The following TIGD4 variants were observed in gnomAD, a reference collection of about 807,000 sequenced individuals.
TIGD4 encodes tigger transposable element derived 4, also known as tigger transposable element-derived protein 4.
Under a neutral mutation model 24.9 loss-of-function variants are expected in TIGD4, and 20 were observed. The observed-to-expected ratio is 0.80, with a 90% CI of 0.56 to 1.17. The LOEUF (loss-of-function observed/expected upper bound fraction) is 1.17, where lower values mean the gene tolerates loss of function less well. Ranked by LOEUF, TIGD4 falls within the 50% of genes most tolerant of loss-of-function variation. The probability of loss-of-function intolerance (pLI) is 0.00; values close to 1 mark genes in which losing one functional copy is unlikely to be tolerated. For missense variants in TIGD4, 566 were observed against 591.0 expected (o/e 0.96, Z 0.44); for synonymous variants, 193 against 211.0 (o/e 0.91, Z 0.74).
At position 152,769,882 on chromosome 4, in the gene TIGD4, A is replaced by C. The variant is rs934170382; in HGVS notation, c.1123T>G (p.Tyr375Asp). ...TGAGATTTGAATCCTGCCTCTTCAT[A>C]GCTTTTAACAATAGTCTCTGGGGTT... ...AVTPETIVKS[Y>D]EEAGFKSQKG... Residue 375 changes from tyrosine (Y) to aspartate (D), a missense_variant, in exon 2 of 2, where the codon TAT becomes GAT. Coordinates refer to ENST00000304337, the MANE Select transcript of TIGD4 (RefSeq NM_145720.4). 1 of 1,613,538 alleles carries C rather than the reference A, an allele frequency of 6.2e-7. No homozygotes were observed. The highest frequency in any genetic ancestry group is 8.5e-7 in the Non-Finnish European group (1 of 1,179,594).
intron 1 of TIGD4, among the ~76,000 whole-genome samples, chr4:152,774,750 G>A (rs1730234953): frequency 6.6e-6 from 1 of 152,076 alleles, no homozygotes; most frequent in African/African-American, 2.4e-5. Context: ...AAACATTTTT[G>A]TTTTTGCCTA....
intron 1 of TIGD4, among the ~76,000 whole-genome samples, chr4:152,774,198 G>A (rs1730226143): frequency 6.6e-6 from 1 of 152,076 alleles, no homozygotes; most frequent in South Asian, 2.1e-4. Context: ...CCTGGTTAAA[G>A]TGACATAATA....
At position 152,769,426 on chromosome 4, in the gene TIGD4, A is replaced by G; in HGVS notation, c.*40T>C. Reference sequence around the variant, plus strand: ...TTACATACCTTATATAATAAAATGTATCAGGAAAAGCTATTACTCTTTAGA... The same window carrying G: ...TTACATACCTTATATAATAAAATGTGTCAGGAAAAGCTATTACTCTTTAGA... On this transcript the variant is annotated 3_prime_UTR_variant, in exon 2 of 2. Transcript: ENST00000304337. The G allele has an allele frequency of 1.5e-6, 2 of 1,344,328 alleles. No homozygotes were observed. Among genetic ancestry groups the G allele is most frequent in the Non-Finnish European group, 2.0e-6 (2 of 996,368 alleles). 83.3% of individuals were successfully genotyped at this position (1,344,328 alleles called of 1,614,324 possible). A position where few individuals can be genotyped will look rare whatever the true frequency, so the allele number is the denominator to read the frequency against.
intron 1 of TIGD4, among the ~76,000 whole-genome samples, chr4:152,776,330 A>C (rs1221865551): frequency 6.6e-6 from 1 of 152,192 alleles, no homozygotes; most frequent in Non-Finnish European, 1.5e-5. Flanking sequence ...AAATAAGTTC[A>C]GTTTTTTCCT....
intron 1 of TIGD4, among the ~76,000 whole-genome samples, chr4:152,774,636 A>C (rs986239090): frequency 1.3e-5 from 2 of 152,262 alleles, no homozygotes; most frequent in African/African-American, 4.8e-5. Context: ...TCAGAAAATA[A>C]GAATATGCAA....
chr4:152,769,450 G>A lies in TIGD4; in HGVS notation c.*16C>T, dbSNP rs755655075. 21 of 1,451,638 alleles carry A rather than the reference G, an allele frequency of 1.4e-5. No homozygotes were observed. The highest frequency in any genetic ancestry group is 1.9e-5 in the Non-Finnish European group (20 of 1,080,484). 89.9% of individuals were successfully genotyped at this position (1,451,638 alleles called of 1,614,324 possible). ...TATCAGGAAAAGCTATTACTCTTTA[G>A]ATGTACAATACATAGTTACTTAGGT... is the stretch of plus-strand genomic sequence containing the variant. On this transcript the variant is annotated 3_prime_UTR_variant, in exon 2 of 2. Transcript: ENST00000304337.
intron 1 of TIGD4, among the ~76,000 whole-genome samples, chr4:152,779,259 G>GT (rs1730337132): frequency 6.6e-6 from 1 of 152,214 alleles, no homozygotes. Flanking sequence ...GGAAAGAAAA[G>GT]TATCAAGGAA....
In TIGD4 at chr4:152,769,938, A is replaced by G. The variant is rs576839885; in HGVS notation, c.1067T>C (p.Val356Ala). Residue 356 changes from valine to alanine, a missense_variant, in exon 2 of 2, where the codon GTT (valine) becomes GCT (alanine). Transcript: ENST00000304337. ...KEFTFSLLDA[V>A]DTLHLCWRAV... ...CCTCCAGCAAAGATGCAATGTATCA[A>G]CTGCATCTAGTAGTGAAAATGTAAA... The G allele has an allele frequency of 2.5e-6, 4 of 1,613,652 alleles. No homozygotes were observed. The highest frequency in any genetic ancestry group is 2.2e-5 in the East Asian group (1 of 44,876).
At position 152,772,919 on chromosome 4, in the gene TIGD4, C is replaced by T. The variant is rs1730201108; in HGVS notation, c.-538-1377G>A. 2.0e-5 allele frequency among the ~76,000 whole-genome samples: 3 copies of T among 152,252 alleles called. No homozygotes were observed. In the South Asian group the frequency reaches 6.2e-4, roughly 32 times the overall value. The stretch of plus-strand genomic sequence containing the variant: ...TAGAGACGGGATTTCAACATGTTGG[C>T]CAGGATGGTCTCAATCTCTTGACCT... On this transcript the variant is annotated intron_variant, in intron 1 of 1. Transcript: ENST00000304337.
In TIGD4 at chr4:152,769,383, T is replaced by C; in HGVS notation, c.*83A>G. The C allele has an allele frequency of 2.1e-6, 2 of 944,434 alleles. No homozygotes were observed. Among genetic ancestry groups the C allele is most frequent in the Non-Finnish European group, 2.9e-6 (2 of 687,376 alleles). The allele number at this position is 944,434 out of a possible 1,614,324, so 58.5% of individuals were successfully genotyped here. On this transcript the variant is annotated 3_prime_UTR_variant, in exon 2 of 2. Coordinates refer to ENST00000304337, the MANE Select transcript of TIGD4 (RefSeq NM_145720.4). Reference sequence around the variant, plus strand: ...CAGTTTTCCATTTTTTATGTTTAAGTGGTGTGGTACAACTCCTTTACATAC... The same window carrying C: ...CAGTTTTCCATTTTTTATGTTTAAGCGGTGTGGTACAACTCCTTTACATAC...
chr4:152,769,836 G>A lies in TIGD4; in HGVS notation c.1169C>T (p.Thr390Ile), dbSNP rs781010222. 1.9e-6 allele frequency: 3 copies of A among 1,612,904 alleles called. No individual in the cohort carries two copies. The African/African-American group carries it at 4.0e-5, about 22-fold the overall frequency. ...FKSQKGESDITNAEKDTGLDL... is the reference protein window; with the variant it reads ...FKSQKGESDIINAEKDTGLDL... ...CAGACCAGTATCCTTCTCTGCATTT[G>A]TTATGTCACTTTCTCCCTTTTGAGA... The change falls in exon 2 of 2, where the codon ACA (threonine) becomes ATA (isoleucine). Residue 390 changes from threonine (T) to isoleucine (I), a missense_variant. Transcript: ENST00000304337.
intron 1 of TIGD4, among the ~76,000 whole-genome samples, chr4:152,774,874 T>C (rs892968623): frequency 6.6e-6 from 1 of 152,108 alleles, no homozygotes; most frequent in African/African-American, 2.4e-5. Context: ...ATACAAACCT[T>C]AAAACTGTGT....
intron 1 of TIGD4, among the ~76,000 whole-genome samples, chr4:152,775,105 C>T (rs369516800): frequency 4.9e-4 from 75 of 152,086 alleles, no homozygotes; most frequent in African/African-American, 1.6e-3. Context: ...TTAGTAGAGA[C>T]GGGGATTCAC....
In TIGD4 at chr4:152,771,028, T is replaced by A. The variant is rs1300528702; in HGVS notation, c.-24A>T. 2 of 1,559,218 alleles carry A rather than the reference T, an allele frequency of 1.3e-6. No individual in the cohort carries two copies. Among genetic ancestry groups the A allele is most frequent in the Non-Finnish European group, 1.7e-6 (2 of 1,160,466 alleles). ...ATCTCAGCCAGTGCTTATGTAGAGATTACTCTTCTTAACTTCCTGGTGACT... is the reference window on the plus strand; with the variant it reads ...ATCTCAGCCAGTGCTTATGTAGAGAATACTCTTCTTAACTTCCTGGTGACT... On this transcript the variant is annotated 5_prime_UTR_variant, in exon 2 of 2. Coordinates refer to ENST00000304337, the MANE Select transcript of TIGD4 (RefSeq NM_145720.4).
Position 152,779,581 on chromosome 4 carries a change from C to A in TIGD4, c.-638G>T, listed in dbSNP as rs1235406742. The stretch of plus-strand genomic sequence containing the variant: ...CCTCCACCCTCCCGGCACCAGCTCA[C>A]GGTCTGTTGGGGGGGTCCTCCTAAC... On this transcript the variant is annotated 5_prime_UTR_variant, in exon 1 of 2. Coordinates refer to ENST00000304337, the MANE Select transcript of TIGD4 (RefSeq NM_145720.4). 1.3e-5 allele frequency: 2 copies of A among 152,262 alleles called. No individual in the cohort carries two copies. The highest frequency in any genetic ancestry group is 4.8e-5 in the African/African-American group (2 of 41,392). The allele number at this position is 152,262 out of a possible 1,614,324, so 9.4% of individuals were successfully genotyped here.
chr4:152,777,993 A>G (rs1407445874), intron 1 of TIGD4, among the ~76,000 whole-genome samples: 1 of 152,032 alleles, frequency 6.6e-6, no homozygotes, highest in African/African-American at 2.4e-5. Context: ...ATGAGGATTA[A>G]TCGTACACAG....
chr4:152,771,016 C>T lies in TIGD4; in HGVS notation c.-12G>A. Reference sequence around the variant, plus strand: ...GAAGCTTCTGCCATCTCAGCCAGTGCTTATGTAGAGATTACTCTTCTTAAC... The same window carrying T: ...GAAGCTTCTGCCATCTCAGCCAGTGTTTATGTAGAGATTACTCTTCTTAAC... On this transcript the variant is annotated 5_prime_UTR_variant, in exon 2 of 2. Transcript: ENST00000304337. The T allele has an allele frequency of 6.4e-7, 1 of 1,574,182 alleles. No homozygotes were observed. Among genetic ancestry groups the T allele is most frequent in the Non-Finnish European group, 8.6e-7 (1 of 1,167,310 alleles).
At chr4:152,774,111 A>G (rs998111546) in intron 1 of TIGD4, among the ~76,000 whole-genome samples, 1 of 146,524 alleles carries the variant, frequency 6.8e-6, no homozygotes, top group African/African-American at 2.5e-5. Flanking sequence ...GCCTTATCTC[A>G]TTTATCAGAA....
In TIGD4 at chr4:152,771,131, G is replaced by T; in HGVS notation, c.-127C>A. The T allele has an allele frequency of 8.8e-7, 1 of 1,131,038 alleles. No individual in the cohort carries two copies. The allele number at this position is 1,131,038 out of a possible 1,614,324, so 70.1% of individuals were successfully genotyped here. ...CCTACTTTATACACTAAAAGTTGGT[G>T]TCTAATAGTCTTATTTTGTAGGAAC... On this transcript the variant is annotated 5_prime_UTR_variant, in exon 2 of 2. Transcript: ENST00000304337.
Sources: gnomAD v4.1 joint callset for allele counts (sites outside exome capture counted in the v4.1 genomes callset) on GRCh38, gnomAD v4.1.1 for gene constraint, MANE v1.5 for transcripts, NCBI Gene and HGNC (gene_info 2026-07-23, HGNC 2026-07-21) for gene names.